Variants in PCDH9 observed in about 807,000 individuals in gnomAD.
The protein encoded by PCDH9 is protocadherin 9.
A neutral mutation model predicts 70.6 loss-of-function variants in PCDH9; 24 were observed. The observed-to-expected ratio is 0.34, with a 90% CI of 0.25 to 0.48. PCDH9 has a LOEUF of 0.48. PCDH9 is among the 20% of genes least tolerant of loss of function. The probability of loss-of-function intolerance (pLI) is 0.99; values close to 1 mark genes in which losing one functional copy is unlikely to be tolerated. For synonymous variants in PCDH9, 562 were observed against 558.5 expected, an observed-to-expected ratio of 1.01 and a Z score of -0.09; for missense variants, 1,281 against 1,503.6, an observed-to-expected ratio of 0.85 and a Z score of 2.45.
intron 3 of PCDH9, among the ~76,000 whole-genome samples, chr13:66,783,843 C>T (rs943150500): frequency 6.6e-6 from 1 of 152,030 alleles, no homozygotes; most frequent in Admixed American, 6.6e-5. Context: ...TATTAAAATA[C>T]CTTTAGTATT....
At chr13:66,370,625 ATCAGCC>A (rs1956632865) in intron 4 of PCDH9, among the ~76,000 whole-genome samples, 1 of 150,222 alleles carries the variant, frequency 6.7e-6, no homozygotes, top group South Asian at 2.1e-4. Context: ...ATCCTCCCGT[ATCAGCC>A]TCTTGAGTAG....
At chr13:66,951,456 A>G (rs1335689708) in intron 2 of PCDH9, among the ~76,000 whole-genome samples, 3 of 152,164 alleles carry the variant, frequency 2.0e-5, no homozygotes, top group Non-Finnish European at 4.4e-5. Flanking sequence ...GTGAATGCAG[A>G]CGTAATTGAG....
At position 67,225,811 on chromosome 13, in the gene PCDH9, G is replaced by A; in HGVS notation, c.2630C>T (p.Pro877Leu). Residue 877 changes from proline (P) to leucine (L), a missense_variant, in exon 2 of 5, where the codon CCC becomes CTC. Pro to Leu is a moderately conservative substitution (Grantham distance 98, BLOSUM62 -3). This residue lies in a region of PCDH9 where 207 missense variants were observed against 191.8 expected (regional missense o/e 1.08). Coordinates refer to ENST00000377865, the MANE Select transcript of PCDH9 (RefSeq NM_203487.3). ...KKKKRKKRKS[P>L]KSSLLNFVTI... ...AACAAAGTTCAAAAGAGAGCTTTTG[G>A]GAGACTTCCTTTTCTTTCTTTTCTT... The A allele has an allele frequency of 6.2e-7, 1 of 1,614,042 alleles. No homozygotes were observed. The highest frequency in any genetic ancestry group is 8.5e-7 in the Non-Finnish European group (1 of 1,179,980).
At chr13:67,119,596 T>C (rs1341615188) in intron 2 of PCDH9, among the ~76,000 whole-genome samples, 1 of 152,116 alleles carries the variant, frequency 6.6e-6, no homozygotes, top group Non-Finnish European at 1.5e-5. Flanking sequence ...AATCAGGATG[T>C]ATGTGTGACT....
At chr13:66,621,332 G>T (rs2077418977) in intron 4 of PCDH9, among the ~76,000 whole-genome samples, 1 of 152,206 alleles carries the variant, frequency 6.6e-6, no homozygotes, top group African/African-American at 2.4e-5. Flanking sequence ...ATGTTAACAG[G>T]TCTACATGGC....
At chr13:66,430,437 C>T (rs992357849) in intron 4 of PCDH9, among the ~76,000 whole-genome samples, 3 of 152,062 alleles carry the variant, frequency 2.0e-5, no homozygotes, top group African/African-American at 4.8e-5. Context: ...CAAATCTTGG[C>T]TCTGAGTAGT....
intron 3 of PCDH9, among the ~76,000 whole-genome samples, chr13:66,880,385 T>C (rs920923296): frequency 1.3e-5 from 2 of 152,138 alleles, no homozygotes; most frequent in African/African-American, 2.4e-5. Flanking sequence ...TAGATGAGAA[T>C]TGATGAGGGA....
intron 2 of PCDH9, among the ~76,000 whole-genome samples, chr13:67,010,281 AC>A (rs968949090): frequency 6.6e-6 from 1 of 151,930 alleles, no homozygotes; most frequent in African/African-American, 2.4e-5. Context: ...ACGGATTCAA[AC>A]CCCCAACTAC....
intron 4 of PCDH9, among the ~76,000 whole-genome samples, chr13:66,426,165 T>C (rs892678598): frequency 1.1e-4 from 16 of 151,384 alleles, no homozygotes; most frequent in Non-Finnish European, 2.1e-4. Context: ...CCTTAATCTA[T>C]TCAGTGGGTG....
intron 2 of PCDH9, among the ~76,000 whole-genome samples, chr13:67,016,358 A>G (rs2084560758): frequency 2.0e-5 from 3 of 152,206 alleles, no homozygotes; most frequent in African/African-American, 7.2e-5. Flanking sequence ...GCATTCATTC[A>G]ATAGAAACTT....
At position 66,710,850 on chromosome 13, in the gene PCDH9, A is replaced by C. The variant is rs190651652; in HGVS notation, c.3139-79439T>G. On this transcript the variant is annotated intron_variant, in intron 3 of 4. Transcript: ENST00000377865. ...AAATCCAGCAAGGTCGCATCTCTTA[A>C]CCATCCTTCCATAGCCACATTCCCT... Among the ~76,000 whole-genome samples, 402 of 152,060 alleles carry C rather than the reference A, an allele frequency of 2.6e-3. 6 individuals carry two copies. The highest frequency in any genetic ancestry group is 3.3e-3 in the Non-Finnish European group (223 of 67,970).
At chr13:66,919,241 T>C (rs757497076) in intron 2 of PCDH9, among the ~76,000 whole-genome samples, 3 of 151,304 alleles carry the variant, frequency 2.0e-5, no homozygotes, top group Non-Finnish European at 3.0e-5. Context: ...AATTGTTCTA[T>C]GCTTCATCCC....
intron 3 of PCDH9, among the ~76,000 whole-genome samples, chr13:66,836,043 G>A (rs1007884630): frequency 1.8e-4 from 27 of 152,124 alleles, no homozygotes; most frequent in African/African-American, 5.3e-4. Context: ...TAAGTGAGTT[G>A]AAACATGAGA....
chr13:66,807,431 A>G (rs1393987856), intron 3 of PCDH9, among the ~76,000 whole-genome samples: 1 of 152,180 alleles, frequency 6.6e-6, no homozygotes, highest in Admixed American at 6.6e-5. Context: ...TTAAATAAAA[A>G]CAAATATTAT....
chr13:66,666,332 C>T (rs1437641366), intron 3 of PCDH9, among the ~76,000 whole-genome samples: 1 of 152,178 alleles, frequency 6.6e-6, no homozygotes, highest in Non-Finnish European at 1.5e-5. Context: ...GGCCAGATGG[C>T]ATTCTGCTGG....
At chr13:67,176,082 G>A (rs1395244796) in intron 2 of PCDH9, among the ~76,000 whole-genome samples, 1 of 152,178 alleles carries the variant, frequency 6.6e-6, no homozygotes, top group Non-Finnish European at 1.5e-5. Flanking sequence ...ATTGCATTGA[G>A]TCTAACTTGG....
At position 66,697,287 on chromosome 13, in the gene PCDH9, C is replaced by A. The variant is rs111486449; in HGVS notation, c.3139-65876G>T. ...TTTTTAAAATTTATTTCTCCCCCCC[C>A]AAAAAATATTGCAGTTGAGAAGCAA... On this transcript the variant is annotated intron_variant, in intron 3 of 4. Transcript: ENST00000377865. Among the ~76,000 whole-genome samples the A allele has an allele frequency of 1.1e-3, 164 of 151,896 alleles. 1 individual carries two copies. The highest frequency in any genetic ancestry group is 4.1e-3 in the East Asian group (21 of 5,164).
At chr13:67,056,683 T>A (rs1051851330) in intron 2 of PCDH9, among the ~76,000 whole-genome samples, 1 of 152,050 alleles carries the variant, frequency 6.6e-6, no homozygotes, top group Admixed American at 6.6e-5. Context: ...CTCTGCAAAG[T>A]GAGGATAAAA....
chr13:67,133,003 G>T (rs901563364), intron 2 of PCDH9, among the ~76,000 whole-genome samples: 3 of 151,878 alleles, frequency 2.0e-5, no homozygotes, highest in African/African-American at 7.3e-5. Flanking sequence ...GTATTTCACT[G>T]ATACTCCTCA....
Sources: allele counts gnomAD v4.1 joint callset (sites outside exome capture counted in the v4.1 genomes callset), GRCh38; gene constraint gnomAD v4.1.1; regional missense constraint gnomAD v4.1.1; transcripts MANE v1.5; gene names NCBI Gene and HGNC (gene_info 2026-07-23, HGNC 2026-07-21).